DNAJB4: variants seen among roughly 807,000 people sequenced by gnomAD.
The protein encoded by DNAJB4 is dnaJ homolog subfamily B member 4.
DNAJB4 carries 10 observed loss-of-function variants against 26.6 expected under a neutral mutation model. That is an observed-to-expected ratio of 0.38 (90% CI 0.23 to 0.64). The LOEUF is 0.64. Among genes scored for constraint, DNAJB4 ranks in the 30% least tolerant of loss-of-function variants. The pLI is 0.58. For synonymous variants in DNAJB4, 136 were observed against 134.8 expected, an observed-to-expected ratio of 1.01 and a Z score of -0.06; for missense variants, 328 against 408.2, an observed-to-expected ratio of 0.80 and a Z score of 1.69.
At chr1:78,005,391 A>T in intron 1 of DNAJB4, 70 bp downstream of exon 1, 1 of 1,293,068 alleles carries the variant, frequency 7.7e-7, no homozygotes, top group Non-Finnish European at 1.0e-6. Flanking sequence ...TCTCTCTGCC[A>T]GCCTTTTTCC....
intron 1 of DNAJB4, among the ~76,000 whole-genome samples, chr1:77,999,039 C>T (rs557335181): frequency 5.9e-5 from 9 of 152,282 alleles, no homozygotes; most frequent in African/African-American, 1.9e-4. Context: ...TGCAAACTTA[C>T]ATCAAGCATT....
intron 1 of DNAJB4, among the ~76,000 whole-genome samples, chr1:77,994,272 C>A (rs1240769581): frequency 6.6e-6 from 1 of 151,936 alleles, no homozygotes; most frequent in Non-Finnish European, 1.5e-5. Flanking sequence ...GTGGCACATG[C>A]CTGTAGTCCC....
At chr1:78,004,567 T>G (rs1056924716), upstream of DNAJB4, 3 of 152,294 alleles carry the variant, frequency 2.0e-5, no homozygotes, top group Admixed American at 1.3e-4. Context: ...AGTAGAATTG[T>G]CGTTCCTTTT....
intron 1 of DNAJB4, among the ~76,000 whole-genome samples, chr1:77,983,891 C>T (rs1659730480): frequency 6.6e-6 from 1 of 152,184 alleles, no homozygotes; most frequent in Admixed American, 6.5e-5. Context: ...CACAAGTGTA[C>T]AAGCTCTGGC....
intron 1 of DNAJB4, among the ~76,000 whole-genome samples, chr1:78,006,365 G>A (rs1023144749): frequency 6.6e-6 from 1 of 152,094 alleles, no homozygotes; most frequent in African/African-American, 2.4e-5. Context: ...TCAGGACTAA[G>A]TTATTTTATT....
chr1:77,983,293 C>T (rs1659708938), intron 1 of DNAJB4, among the ~76,000 whole-genome samples: 1 of 152,224 alleles, frequency 6.6e-6, no homozygotes, highest in Non-Finnish European at 1.5e-5. Flanking sequence ...ATGGAACATA[C>T]AATCGGGTTT....
chr1:77,992,412 C>CAAAAAA (rs67649336), intron 1 of DNAJB4, among the ~76,000 whole-genome samples: 9 of 47,728 alleles, frequency 1.9e-4, no homozygotes, highest in Admixed American at 3.9e-4. Context: ...GACTCCGTCT[C>CAAAAAA]AAAAAAAAAA....
At chr1:78,015,414 A>G (rs1660606988) in intron 2 of DNAJB4, among the ~76,000 whole-genome samples, 1 of 146,200 alleles carries the variant, frequency 6.8e-6, no homozygotes, top group Non-Finnish European at 1.5e-5. Flanking sequence ...TGTGGAATAT[A>G]TCCTTTACTT....
At position 78,013,092 on chromosome 1, in the gene DNAJB4, A is replaced by G; in HGVS notation, c.253A>G (p.Thr85Ala). ...GAGGTDGQGG[T>A]FRYTFHGDPH... The stretch of plus-strand genomic sequence containing the variant: ...AGGAGGTACTGATGGACAAGGAGGT[A>G]CCTTCCGGTACACCTTTCATGGCGA... Residue 85 changes from threonine (T) to alanine (A), a missense_variant, in exon 2 of 3, where the codon ACC (threonine) becomes GCC (alanine). By Grantham distance (58) the Thr-to-Ala change is moderately conservative. Transcript: ENST00000370763. The G allele has an allele frequency of 6.2e-7, 1 of 1,613,620 alleles. No homozygotes were observed. Among genetic ancestry groups the G allele is most frequent in the Non-Finnish European group, 8.5e-7 (1 of 1,179,688 alleles).
chr1:78,002,062 G>A (rs1660206719), upstream of DNAJB4, among the ~76,000 whole-genome samples: 2 of 152,072 alleles, frequency 1.3e-5, no homozygotes, highest in Admixed American at 1.3e-4. Context: ...CATCATATAA[G>A]CAGCATTTAT....
upstream of DNAJB4, among the ~76,000 whole-genome samples, chr1:78,003,611 A>T (rs1660244974): frequency 6.6e-6 from 1 of 152,148 alleles, no homozygotes; most frequent in African/African-American, 2.4e-5. Flanking sequence ...CTAACATTTT[A>T]TTTGGACTGT....
chr1:77,984,712 G>A (rs1659751230), intron 1 of DNAJB4, among the ~76,000 whole-genome samples: 1 of 152,222 alleles, frequency 6.6e-6, no homozygotes, highest in African/African-American at 2.4e-5. Flanking sequence ...GTTGGTAAAA[G>A]TTTAATAAAT....
chr1:77,984,914 A>G (rs1291656050), intron 1 of DNAJB4, among the ~76,000 whole-genome samples: 1 of 152,208 alleles, frequency 6.6e-6, no homozygotes, highest in Non-Finnish European at 1.5e-5. Flanking sequence ...GGAAACCATA[A>G]CACAGATTGC....
chr1:77,981,494 A>G (rs1474245081), intron 1 of DNAJB4, among the ~76,000 whole-genome samples: 1 of 152,000 alleles, frequency 6.6e-6, no homozygotes, highest in Non-Finnish European at 1.5e-5. Context: ...TTGTATTTTT[A>G]GTAGAGACAG....
chr1:77,979,207 A>G (rs111254934), upstream of DNAJB4: 16 of 575,018 alleles, frequency 2.8e-5, no homozygotes, highest in South Asian at 1.1e-4. Flanking sequence ...AGAAAGAACG[A>G]CAGGAACAGA....
intron 1 of DNAJB4, among the ~76,000 whole-genome samples, chr1:77,989,801 A>C (rs57604233): frequency 0.049 from 7,389 of 152,294 alleles, 404 homozygotes; most frequent in African/African-American, 0.14. Flanking sequence ...AACACTGTCA[A>C]GTTAGGCTCT....
intron 1 of DNAJB4, among the ~76,000 whole-genome samples, chr1:78,012,159 C>CTTTTTT (rs1270987929): frequency 6.2e-4 from 55 of 88,804 alleles, no homozygotes; most frequent in Admixed American, 1.1e-3. Context: ...CTTTTCTTTT[C>CTTTTTT]TTTTTTTTTT....
rs1160101193 is a variant in DNAJB4, at chr1:78,011,294, G to A, written c.212-1757G>A. Reference sequence around the variant, plus strand: ...GAAATAACCCATATAGAGGCCTTACGTGTCAAAGTTTACAGCTCTTGATTT... The same window carrying A: ...GAAATAACCCATATAGAGGCCTTACATGTCAAAGTTTACAGCTCTTGATTT... On this transcript the variant is annotated intron_variant, in intron 1 of 2. Coordinates refer to ENST00000370763, the MANE Select transcript of DNAJB4 (RefSeq NM_007034.5). Among the ~76,000 whole-genome samples the A allele has an allele frequency of 3.3e-5, 5 of 152,036 alleles. No individual in the cohort carries two copies. The South Asian group carries it at 6.2e-4, about 19-fold the overall frequency.
chr1:77,988,776 T>G (rs929287623), intron 1 of DNAJB4, among the ~76,000 whole-genome samples: 5 of 152,194 alleles, frequency 3.3e-5, no homozygotes, highest in African/African-American at 1.2e-4. Context: ...CTAACACAAC[T>G]TACAGTATTT....
Sources: gnomAD v4.1 joint callset for allele counts (sites outside exome capture counted in the v4.1 genomes callset) on GRCh38, gnomAD v4.1.1 for gene constraint, MANE v1.5 for transcripts, NCBI Gene and HGNC (gene_info 2026-07-23, HGNC 2026-07-21) for gene names.